Variants in MED13L observed in about 807,000 individuals in gnomAD.
The protein encoded by MED13L is mediator of RNA polymerase II transcription subunit 13-like.
MED13L carries 7 observed loss-of-function variants against 220.9 expected under a neutral mutation model. The observed-to-expected ratio is 0.03, with a 90% confidence interval of 0.02 to 0.06. MED13L has a LOEUF of 0.06. Ranked by LOEUF, MED13L falls within the 10% of genes least tolerant of loss-of-function variation. MED13L has a pLI of 1.00. For synonymous variants in MED13L, 1,011 were observed against 1,015.2 expected (o/e 1.00, Z 0.08); for missense variants, 1,965 against 2,760.5 (o/e 0.71, Z 6.46).
At chr12:116,275,922 T>C (rs1476549711) in intron 1 of MED13L, among the ~76,000 whole-genome samples, 5 of 152,226 alleles carry the variant, frequency 3.3e-5, no homozygotes, top group East Asian at 1.9e-4. Context: ...GGCACATAGC[T>C]ATACATACAG....
At chr12:116,187,096 A>C (rs1224321585) in intron 2 of MED13L, among the ~76,000 whole-genome samples, 2 of 152,198 alleles carry the variant, frequency 1.3e-5, no homozygotes, top group African/African-American at 4.8e-5. Flanking sequence ...TTTTTGCCGA[A>C]CTGCCTTAAT....
At chr12:116,088,998 G>A (rs1328872200) in intron 4 of MED13L, among the ~76,000 whole-genome samples, 1 of 151,984 alleles carries the variant, frequency 6.6e-6, no homozygotes, top group Non-Finnish European at 1.5e-5. Context: ...GCAAAAATCT[G>A]TAAGCAATTA....
chr12:116,019,127 C>T, intron 7 of MED13L, 97 bp downstream of exon 7: 3 of 1,245,596 alleles, frequency 2.4e-6, no homozygotes, highest in Non-Finnish European at 3.3e-6. Flanking sequence ...CCATCTCTTC[C>T]AACAGGAATT....
chr12:116,061,323 T>C (rs1028684436), intron 4 of MED13L, among the ~76,000 whole-genome samples: 1 of 152,178 alleles, frequency 6.6e-6, no homozygotes, highest in Non-Finnish European at 1.5e-5. Flanking sequence ...TTACAAATAA[T>C]ATGTATCTTT....
chr12:116,067,766 CATCTATAAAATGAACATA>C (rs1196205818), intron 4 of MED13L, among the ~76,000 whole-genome samples: 1 of 152,160 alleles, frequency 6.6e-6, no homozygotes, highest in Admixed American at 6.5e-5. Context: ...TGCGTATTCT[CATCTATAAAATGAACATA>C]ACAATCCTTA....
rs1878689818 is a variant in MED13L at position 116,000,752 on chromosome 12, A to G, written c.2569+2251T>C. On this transcript the variant is annotated intron_variant, in intron 14 of 30. Transcript: ENST00000281928. Reference sequence around the variant, plus strand: ...ACAATACTACCTTAACATAAACTTGATATTAAAGTAAACCTATTTGTCACT... The same window carrying G: ...ACAATACTACCTTAACATAAACTTGGTATTAAAGTAAACCTATTTGTCACT... Among the ~76,000 whole-genome samples the G allele has an allele frequency of 2.0e-5, 3 of 152,352 alleles. No individual in the cohort carries two copies. In the South Asian group the frequency reaches 6.2e-4, roughly 32 times the overall value.
At chr12:116,037,306 C>T (rs1373650296) in intron 4 of MED13L, among the ~76,000 whole-genome samples, 8 of 152,150 alleles carry the variant, frequency 5.3e-5, no homozygotes, top group Non-Finnish European at 1.2e-4. Context: ...TGACAGGTTA[C>T]AGTCAAAATG....
chr12:116,029,180 A>T (rs1049335567), intron 4 of MED13L, among the ~76,000 whole-genome samples: 2 of 151,150 alleles, frequency 1.3e-5, no homozygotes, highest in Non-Finnish European at 2.9e-5. Flanking sequence ...ATAAATAAGG[A>T]ACTAAGAAAA....
intron 2 of MED13L, among the ~76,000 whole-genome samples, chr12:116,227,373 A>G (rs566460128): frequency 6.6e-6 from 1 of 152,238 alleles, no homozygotes; most frequent in South Asian, 2.1e-4. Flanking sequence ...TGCATTTCAC[A>G]TTGTTTCGCT....
At chr12:116,225,636 TTAGAC>T (rs1868905990) in intron 2 of MED13L, among the ~76,000 whole-genome samples, 2 of 152,158 alleles carry the variant, frequency 1.3e-5, no homozygotes, top group Admixed American at 6.5e-5. Flanking sequence ...TTTTTCTCCT[TTAGAC>T]TAAATATATT....
chr12:116,006,544 C>CA, intron 11 of MED13L, 133 bp from the exon 12 acceptor site: 4 of 760,182 alleles, frequency 5.3e-6, no homozygotes, highest in Non-Finnish European at 9.3e-6. Context: ...ATGGTCTATG[C>CA]AACCAAAGGA....
At position 116,136,813 on chromosome 12, in the gene MED13L, A is replaced by G. The variant is rs137892338; in HGVS notation, c.311-25301T>C. 1.9e-3 allele frequency among the ~76,000 whole-genome samples: 289 copies of G among 152,346 alleles called. 1 individual carries two copies. The highest frequency in any genetic ancestry group is 3.0e-3 in the Non-Finnish European group (201 of 68,028). The stretch of plus-strand genomic sequence containing the variant: ...ATAATATAATCAAGTGTTTACATTA[A>G]TAAGAGTGAACATAAACTGGTGACC... On this transcript the variant is annotated intron_variant, in intron 2 of 30. Transcript: ENST00000281928.
intron 4 of MED13L, among the ~76,000 whole-genome samples, chr12:116,058,531 C>A (rs1015128587): frequency 4.6e-5 from 7 of 152,152 alleles, no homozygotes; most frequent in African/African-American, 1.7e-4. Context: ...ATTTTGTAAT[C>A]TCTATCTTTA....
Position 116,277,162 on chromosome 12 carries a change from G to T in MED13L, c.-31C>A. 6.5e-7 allele frequency: 1 copy of T among 1,532,794 alleles called. No homozygotes were observed. Among genetic ancestry groups the T allele is most frequent in the Non-Finnish European group, 8.8e-7 (1 of 1,137,322 alleles). The allele number at this position is 1,532,794 out of a possible 1,614,324, so 94.9% of individuals were successfully genotyped here. A position where few individuals can be genotyped will look rare whatever the true frequency, so the allele number is the denominator to read the frequency against. ...TCCGCGAGCCCGGCCGCCAGAGCGG[G>T]GCATGTCGGAGCGAGGCGTCCGAGG... On this transcript the variant is annotated 5_prime_UTR_variant, in exon 1 of 31. Coordinates refer to ENST00000281928, the MANE Select transcript of MED13L (RefSeq NM_015335.5).
chr12:116,000,599 C>T (rs1878679303), intron 14 of MED13L, among the ~76,000 whole-genome samples: 1 of 152,156 alleles, frequency 6.6e-6, no homozygotes, highest in Admixed American at 6.5e-5. Flanking sequence ...TGAACCAACC[C>T]CAAAATCCAA....
rs10678970 is a variant in MED13L at position 116,148,051 on chromosome 12, C to CAAA, written c.311-36542_311-36540dup. Among the ~76,000 whole-genome samples, 87 of 18,086 alleles carry CAAA rather than the reference C, an allele frequency of 4.8e-3. 2 individuals carry two copies. Among genetic ancestry groups the CAAA allele is most frequent in the African/African-American group, 8.7e-3 (37 of 4,230 alleles). 11.9% of individuals were successfully genotyped at this position (18,086 alleles called of 152,430 possible). A position where few individuals can be genotyped will look rare whatever the true frequency, so the allele number is the denominator to read the frequency against. On this transcript the variant is annotated intron_variant, in intron 2 of 30. Coordinates refer to ENST00000281928, the MANE Select transcript of MED13L (RefSeq NM_015335.5). ...TGGGCTACAGAGCAAGACCCCATCTCAAAAAAAAAAAAAAAAAAAAAAAGA... is the reference window on the plus strand; with the variant it reads ...TGGGCTACAGAGCAAGACCCCATCTCAAAAAAAAAAAAAAAAAAAAAAAAAAGA...
At chr12:116,063,026 A>G (rs1869635570) in intron 4 of MED13L, among the ~76,000 whole-genome samples, 1 of 151,982 alleles carries the variant, frequency 6.6e-6, no homozygotes, top group South Asian at 2.1e-4. Flanking sequence ...GTTGTAGATC[A>G]TTCTTGGAGG....
chr12:116,257,485 G>C lies in MED13L; in HGVS notation c.72+19575C>G, dbSNP rs115475869. ...TTTCCACCTCCTCCTAACCTAGAATGCAACCTTGATGACTGGAGTCTGAAT... is the reference window on the plus strand; with the variant it reads ...TTTCCACCTCCTCCTAACCTAGAATCCAACCTTGATGACTGGAGTCTGAAT... On this transcript the variant is annotated intron_variant, in intron 1 of 30. Coordinates refer to ENST00000281928, the MANE Select transcript of MED13L (RefSeq NM_015335.5). Among the ~76,000 whole-genome samples the C allele has an allele frequency of 5.9e-3, 898 of 152,234 alleles. 12 individuals are homozygous for C. Among genetic ancestry groups the C allele is most frequent in the African/African-American group, 0.02 (847 of 41,540 alleles).
rs758337680 is a variant in MED13L at position 115,996,472 on chromosome 12, A to C, written c.2996+4T>G. 1.2e-6 allele frequency: 2 copies of C among 1,609,614 alleles called. No individual in the cohort carries two copies. Among genetic ancestry groups the C allele is most frequent in the East Asian group, 2.2e-5 (1 of 44,858 alleles). ...CAAGTAAATGACACAATCCCTATAC[A>C]TACTTGTAGCCATCTCTAATGAAAG... On this transcript the variant is annotated splice_donor_region_variant and intron_variant, in intron 16 of 30. Transcript: ENST00000281928.
Sources: allele counts gnomAD v4.1 joint callset (sites outside exome capture counted in the v4.1 genomes callset), GRCh38; gene constraint gnomAD v4.1.1; transcripts MANE v1.5; gene names NCBI Gene and HGNC (gene_info 2026-07-23, HGNC 2026-07-21).